MAML3: variants seen among roughly 807,000 people sequenced by gnomAD.
MAML3 encodes mastermind like transcriptional coactivator 3, also known as mastermind-like protein 3.
A neutral mutation model predicts 101.9 loss-of-function variants in MAML3; 27 were observed. The observed-to-expected ratio is 0.27, with a 90% CI of 0.20 to 0.37. The LOEUF (loss-of-function observed/expected upper bound fraction) is 0.37. Among genes scored for constraint, MAML3 ranks in the 10% least tolerant of loss-of-function variants. The pLI, the probability that MAML3 is intolerant of heterozygous loss-of-function variation, is 1.00. For missense variants in MAML3, 1,316 were observed against 1,444.9 expected (o/e 0.91, Z 1.45); for synonymous variants, 501 against 555.9 (o/e 0.90, Z 1.39).
intron 2 of MAML3, among the ~76,000 whole-genome samples, chr4:139,790,539 A>T (rs1730391260): frequency 6.6e-6 from 1 of 152,096 alleles, no homozygotes; most frequent in African/African-American, 2.4e-5. Context: ...CATTAACAAT[A>T]ACTTCCCATC....
At chr4:140,092,767 T>C (rs1728083030) in intron 1 of MAML3, among the ~76,000 whole-genome samples, 1 of 152,060 alleles carries the variant, frequency 6.6e-6, no homozygotes, top group African/African-American at 2.4e-5. Context: ...GAAGGTATTC[T>C]CCTATCGCAG....
chr4:140,114,670 C>T (rs1307231749), intron 1 of MAML3, among the ~76,000 whole-genome samples: 6 of 152,146 alleles, frequency 3.9e-5, no homozygotes, highest in Non-Finnish European at 8.8e-5. Context: ...ACAAGCGTTG[C>T]CAGAATGTAA....
rs370543535 is a variant in MAML3, at chr4:139,719,636, G to A, written c.3104C>T (p.Pro1035Leu). Residue 1035 changes from proline to leucine, a missense_variant, in exon 5 of 5, where the codon CCG becomes CTG. Physicochemically the swap from Pro to Leu is moderately conservative, Grantham distance 98. Transcript: ENST00000509479. ...CGCCTGGCTGGTGCCTTGCTGCCCCGGGAGCGATGGCATCATCTGCCGACC... is the reference window on the plus strand; with the variant it reads ...CGCCTGGCTGGTGCCTTGCTGCCCCAGGAGCGATGGCATCATCTGCCGACC... ...AMGRQMMPSL[P>L]GQQGTSQARP... 16 of 1,612,102 alleles carry A rather than the reference G, an allele frequency of 9.9e-6. No homozygotes were observed. The highest frequency in any genetic ancestry group is 3.3e-5 in the South Asian group (3 of 90,772).
At chr4:139,981,984 A>G (rs1035541191) in intron 1 of MAML3, among the ~76,000 whole-genome samples, 1 of 152,180 alleles carries the variant, frequency 6.6e-6, no homozygotes, top group Non-Finnish European at 1.5e-5. Flanking sequence ...CTCATTGTAA[A>G]GTGACTCCTT....
chr4:140,004,701 G>A (rs1346778916), intron 1 of MAML3, among the ~76,000 whole-genome samples: 3 of 151,968 alleles, frequency 2.0e-5, no homozygotes, highest in Admixed American at 6.5e-5. Context: ...AAAACGCAGC[G>A]CTCACGGGGC....
intron 1 of MAML3, among the ~76,000 whole-genome samples, chr4:140,078,768 C>T (rs1383931869): frequency 6.6e-6 from 1 of 152,118 alleles, no homozygotes; most frequent in Non-Finnish European, 1.5e-5. Flanking sequence ...ATGAAAGGAA[C>T]TTCTCCGTGC....
chr4:140,114,306 G>C (rs1728484280), intron 1 of MAML3, among the ~76,000 whole-genome samples: 1 of 152,202 alleles, frequency 6.6e-6, no homozygotes, highest in Non-Finnish European at 1.5e-5. Context: ...ACCTGTATCT[G>C]TGCTGTTCCT....
chr4:139,821,379 T>C (rs1357050786), intron 2 of MAML3, among the ~76,000 whole-genome samples: 3 of 152,144 alleles, frequency 2.0e-5, no homozygotes, highest in Non-Finnish European at 4.4e-5. Flanking sequence ...GCACAAACCC[T>C]ACTGTGAACT....
At chr4:139,789,843 T>C (rs922179305) in intron 2 of MAML3, among the ~76,000 whole-genome samples, 1 of 151,948 alleles carries the variant, frequency 6.6e-6, no homozygotes, top group Non-Finnish European at 1.5e-5. Context: ...AGAAGGGTGA[T>C]GAAACAGGTG....
Position 140,145,871 on chromosome 4 carries a change from CTTTTTTCTTT to C in MAML3, c.468+6979_468+6988del, listed in dbSNP as rs1729052900. On this transcript the variant is annotated intron_variant, in intron 1 of 4. Coordinates refer to ENST00000509479, the MANE Select transcript of MAML3 (RefSeq NM_018717.5). ...AGCCACTGCGCCTGGCCTTTTTTTT[CTTTTTTCTTT>C]TTTTTTTTTGAGAAGGATTTTTACT... Among the ~76,000 whole-genome samples the C allele has an allele frequency of 1.5e-4, 5 of 32,692 alleles. No homozygotes were observed. In the South Asian group the frequency reaches 6.7e-3, roughly 44 times the overall value. The allele number at this position is 32,692 out of a possible 152,430, so 21.4% of individuals were successfully genotyped here.
rs1291167932 is a variant in MAML3 at position 139,889,669 on chromosome 4, G to T, written c.1767C>A (p.Ser589=). ...TCAGAATATTGTGCTGTTTGTTTAA[G>T]GAGTTTGTACCCAAGTTATTTGGCT... ...NQQPNNLGTN[S]LNKQHNILTY... Residue 589 remains serine, a synonymous_variant, in exon 2 of 5, where the codon TCC becomes TCA. Coordinates refer to ENST00000509479, the MANE Select transcript of MAML3 (RefSeq NM_018717.5). 1 of 1,614,044 alleles carries T rather than the reference G, an allele frequency of 6.2e-7. No homozygotes were observed. Among genetic ancestry groups the T allele is most frequent in the Non-Finnish European group, 8.5e-7 (1 of 1,179,896 alleles).
intron 2 of MAML3, among the ~76,000 whole-genome samples, chr4:139,821,180 G>C (rs977177932): frequency 2.6e-5 from 4 of 152,202 alleles, no homozygotes; most frequent in Admixed American, 1.3e-4. Flanking sequence ...TAGATGAACT[G>C]TCTGTTACAA....
At chr4:139,907,369 AC>A (rs754558194) in intron 1 of MAML3, among the ~76,000 whole-genome samples, 1 of 152,198 alleles carries the variant, frequency 6.6e-6, no homozygotes, top group Non-Finnish European at 1.5e-5. Context: ...TCAATAACTT[AC>A]TTTCAAAGTC....
chr4:139,720,040 C>T lies in MAML3; in HGVS notation c.2700G>A (p.Pro900=), dbSNP rs1314335065. The change falls in exon 5 of 5, where the codon CCG becomes CCA. Residue 900 remains proline, a synonymous_variant. Transcript: ENST00000509479. The part of the protein sequence containing the change: ...MSITHNQAQG[P]RQPASGQGVG... ...CCCCCTGCCCAGAGGCAGGTTGCCTCGGTCCCTGGGCTTGGTTATGTGTGA... is the reference window on the plus strand; with the variant it reads ...CCCCCTGCCCAGAGGCAGGTTGCCTTGGTCCCTGGGCTTGGTTATGTGTGA... 1.2e-6 allele frequency: 2 copies of T among 1,614,080 alleles called. No individual in the cohort carries two copies. The highest frequency in any genetic ancestry group is 1.7e-6 in the Non-Finnish European group (2 of 1,179,908).
intron 1 of MAML3, among the ~76,000 whole-genome samples, chr4:140,020,315 C>G (rs922086665): frequency 7.2e-5 from 11 of 151,730 alleles, no homozygotes; most frequent in Non-Finnish European, 1.5e-4. Flanking sequence ...GACTTGGAGA[C>G]AATTGAAAAG....
At position 139,719,168 on chromosome 4, in the gene MAML3, G is replaced by C. The variant is rs1465989346; in HGVS notation, c.*155C>G. On this transcript the variant is annotated 3_prime_UTR_variant, in exon 5 of 5. Coordinates refer to ENST00000509479, the MANE Select transcript of MAML3 (RefSeq NM_018717.5). ...TGAAATGAGGCCTGGTGGGGCTGTG[G>C]ATTGGCACCTGGATCTTCCATTGTC... The C allele has an allele frequency of 2.4e-5, 19 of 798,146 alleles. No individual in the cohort carries two copies. Among genetic ancestry groups the C allele is most frequent in the Non-Finnish European group, 3.6e-5 (19 of 524,162 alleles). 49.4% of individuals were successfully genotyped at this position (798,146 alleles called of 1,614,324 possible). A position where few individuals can be genotyped will look rare whatever the true frequency, so the allele number is the denominator to read the frequency against.
At chr4:139,722,168 A>G (rs4863507) in intron 4 of MAML3, among the ~76,000 whole-genome samples, 59,609 of 152,038 alleles carry the variant, frequency 0.39, 12,611 homozygotes, top group African/African-American at 0.55. Flanking sequence ...TTTAGAGGGC[A>G]GAAGCGTTAC....
chr4:139,873,519 T>G (rs569381360), intron 2 of MAML3, among the ~76,000 whole-genome samples: 15 of 152,212 alleles, frequency 9.9e-5, no homozygotes, highest in Admixed American at 3.3e-4. Context: ...GGACTTAAAT[T>G]ATTTTGCTTC....
chr4:140,138,362 C>A (rs1242715449), intron 1 of MAML3, among the ~76,000 whole-genome samples: 1 of 152,144 alleles, frequency 6.6e-6, no homozygotes, highest in African/African-American at 2.4e-5. Flanking sequence ...GTGAAAAAAT[C>A]CAATAGCAGC....
Sources: gnomAD v4.1 joint callset for allele counts (sites outside exome capture counted in the v4.1 genomes callset) on GRCh38, gnomAD v4.1.1 for gene constraint, MANE v1.5 for transcripts, NCBI Gene and HGNC (gene_info 2026-07-23, HGNC 2026-07-21) for gene names.